ITPR3: variants seen among roughly 807,000 people sequenced by gnomAD.
The protein encoded by ITPR3 is inositol 1,4,5-trisphosphate-gated calcium channel ITPR3.
ITPR3 carries 173 observed loss-of-function variants against 293.2 expected under a neutral mutation model. The ratio of observed to expected loss-of-function variants is 0.59; its 90% CI spans 0.52 to 0.67. The LOEUF (loss-of-function observed/expected upper bound fraction) is 0.67. ITPR3 is among the 30% of genes least tolerant of loss of function. The probability of loss-of-function intolerance (pLI) is 0.00; values close to 1 mark genes in which losing one functional copy is unlikely to be tolerated. For synonymous variants in ITPR3, 1,295 were observed against 1,444.4 expected (o/e 0.90, Z 2.35); for missense variants, 2,796 against 3,592.1 (o/e 0.78, Z 5.66).
At chr6:33,690,292 T>A in intron 51 of ITPR3, 94 bp downstream of exon 51, 1 of 1,171,716 alleles carries the variant, frequency 8.5e-7, no homozygotes, top group Non-Finnish European at 1.2e-6. Context: ...CCAGTCTGTC[T>A]GTCCAGTCCT....
rs1454861889 is a variant in ITPR3, at chr6:33,632,074, C to T, written c.90-8410C>T. Among the ~76,000 whole-genome samples, 1 of 152,074 alleles carries T rather than the reference C, an allele frequency of 6.6e-6. No individual in the cohort carries two copies. Among genetic ancestry groups the T allele is most frequent in the African/African-American group, 2.4e-5 (1 of 41,392 alleles). Reference sequence around the variant, plus strand: ...AACAGTTTGTGCCTTCAGTCTCTTGCCTTGGCACCTGGGTAATCCTCCACC... The same window carrying T: ...AACAGTTTGTGCCTTCAGTCTCTTGTCTTGGCACCTGGGTAATCCTCCACC... On this transcript the variant is annotated intron_variant, in intron 1 of 57. Transcript: ENST00000605930. This position sits in a 1 kb window ranked among gnomAD's most constrained non-coding sequence, Gnocchi z 4.1.
At chr6:33,627,967 G>A (rs1410517705) in intron 1 of ITPR3, among the ~76,000 whole-genome samples, 1 of 152,240 alleles carries the variant, frequency 6.6e-6, no homozygotes, top group Non-Finnish European at 1.5e-5. Context: ...TGCTCGGCCT[G>A]AATCCTGCCG....
At chr6:33,627,419 A>G (rs2151275991) in intron 1 of ITPR3, among the ~76,000 whole-genome samples, 2 of 152,342 alleles carry the variant, frequency 1.3e-5, no homozygotes, top group Admixed American at 1.3e-4. Context: ...TTGCATATAT[A>G]TAGTGAGCTG....
At position 33,666,290 on chromosome 6, in the gene ITPR3, AAAAAATTTTTTT is replaced by A. The variant is rs769783037; in HGVS notation, c.1551+328_1551+339del. Among the ~76,000 whole-genome samples the A allele has an allele frequency of 6.0e-5, 8 of 132,722 alleles. No individual in the cohort carries two copies. Among genetic ancestry groups the A allele is most frequent in the African/African-American group, 2.5e-4 (6 of 24,074 alleles). 87.1% of individuals were successfully genotyped at this position (132,722 alleles called of 152,430 possible). Reference sequence around the variant, plus strand: ...GATGTTGGGTCCAGAGCTGTGCTTCAAAAAATTTTTTTAAAAATTTTTTTATTATGAGAATCA... The same window carrying A: ...GATGTTGGGTCCAGAGCTGTGCTTCAAAAAATTTTTTTATTATGAGAATCA... On this transcript the variant is annotated intron_variant, in intron 14 of 57. Coordinates refer to ENST00000605930, the MANE Select transcript of ITPR3 (RefSeq NM_002224.4). This position sits in a 1 kb window ranked among gnomAD's most constrained non-coding sequence, Gnocchi z 5.1.
chr6:33,682,480 G>A lies in ITPR3; in HGVS notation c.4477-44G>A, dbSNP rs200136560. The A allele has an allele frequency of 3.4e-6, 5 of 1,478,562 alleles. No homozygotes were observed. The highest frequency in any genetic ancestry group is 5.3e-5 in the East Asian group (2 of 37,584). The allele number at this position is 1,478,562 out of a possible 1,614,324, so 91.6% of individuals were successfully genotyped here. Reference sequence around the variant, plus strand: ...GTTCCTGGACCTGGGGTTGCCCAGGGTGGGGGCCTGGGCTGCAGCAGCGGG... The same window carrying A: ...GTTCCTGGACCTGGGGTTGCCCAGGATGGGGGCCTGGGCTGCAGCAGCGGG... On this transcript the variant is annotated intron_variant, in intron 33 of 57. Transcript: ENST00000605930. This position sits in a 1 kb window ranked among gnomAD's most constrained non-coding sequence, Gnocchi z 5.4.
rs1330277760 is a variant in ITPR3, at chr6:33,691,989, T to C, written c.7458+61T>C. On this transcript the variant is annotated intron_variant, in intron 54 of 57. Coordinates refer to ENST00000605930, the MANE Select transcript of ITPR3 (RefSeq NM_002224.4). This position sits in a 1 kb window ranked among gnomAD's most constrained non-coding sequence, Gnocchi z 4.9. ...CCAAGCCACTGTCCAGATCAGCAAC[T>C]GTGGAGAGTCCTGTCCTTGGCCTCG... The C allele has an allele frequency of 5.6e-6, 9 of 1,605,608 alleles. No homozygotes were observed. In the East Asian group the frequency reaches 6.7e-5, roughly 12 times the overall value.
chr6:33,683,386 G>T lies in ITPR3; in HGVS notation c.4777G>T (p.Glu1593Ter). 1 of 1,573,854 alleles carries T rather than the reference G, an allele frequency of 6.4e-7. No homozygotes were observed. The highest frequency in any genetic ancestry group is 1.2e-5 in the South Asian group (1 of 85,306). Reference sequence around the variant, plus strand: ...CCAGTGGGACTACAAGAACATCATTGAGAAGCTGCAGGTGGGTGTGGGGCT... The same window carrying T: ...CCAGTGGGACTACAAGAACATCATTTAGAAGCTGCAGGTGGGTGTGGGGCT... ...ANQWDYKNII[E>*]KLQDIITALE... is the part of the protein sequence containing the mutation. The change falls in exon 35 of 58, where the codon GAG (glutamate) becomes TAG (stop). Residue 1593 changes from glutamate to a stop codon, truncating the protein, a stop_gained. Coordinates refer to ENST00000605930, the MANE Select transcript of ITPR3 (RefSeq NM_002224.4). LOFTEE classifies it high-confidence loss of function. The surrounding 1 kb of genome is among the most constrained non-coding windows in gnomAD (Gnocchi z 4.5).
At chr6:33,676,012 C>T (rs1337871612) in intron 25 of ITPR3, among the ~76,000 whole-genome samples, 156 bp downstream of exon 25, 1 of 152,242 alleles carries the variant, frequency 6.6e-6, no homozygotes, top group Non-Finnish European at 1.5e-5. Flanking sequence ...AAGACTGAGT[C>T]TCCTGGCCTG....
chr6:33,686,026 T>C (rs375110794), intron 41 of ITPR3, 27 bp from the exon 42 acceptor site: 53 of 1,612,334 alleles, frequency 3.3e-5, no homozygotes, highest in Middle Eastern at 1.6e-4. Flanking sequence ...GTAGCTGTGC[T>C]GTGCCCAACC....
rs148906474 is a variant in ITPR3 at position 33,661,110 on chromosome 6, G to A, written c.712-1418G>A. Among the ~76,000 whole-genome samples the A allele has an allele frequency of 4.2e-3, 634 of 152,294 alleles. 5 individuals carry two copies. Among genetic ancestry groups the A allele is most frequent in the African/African-American group, 0.01 (433 of 41,544 alleles). On this transcript the variant is annotated intron_variant, in intron 7 of 57. Coordinates refer to ENST00000605930, the MANE Select transcript of ITPR3 (RefSeq NM_002224.4). ...CACTGCTTTTTTGCCCCTGCCCTGC[G>A]CTACTGGGGCACAGAAGTCACTAGG...
chr6:33,648,720 G>A (rs1764124974), intron 2 of ITPR3, among the ~76,000 whole-genome samples: 1 of 151,888 alleles, frequency 6.6e-6, no homozygotes, highest in South Asian at 2.1e-4. Flanking sequence ...AGCCTCCCAA[G>A]TAGCTGGATC....
In ITPR3 at chr6:33,670,605, G is replaced by A. The variant is rs1561869068; in HGVS notation, c.2441+29G>A. 6.2e-7 allele frequency: 1 copy of A among 1,612,220 alleles called. No homozygotes were observed. The highest frequency in any genetic ancestry group is 2.2e-5 in the East Asian group (1 of 44,856). ...AGAGGGGTGGAGGCAGGGTGGGCGG[G>A]GCAGGGGCAGAGGCTGGAGTGGGTG... On this transcript the variant is annotated intron_variant, in intron 19 of 57. Transcript: ENST00000605930. This position sits in a 1 kb window ranked among gnomAD's most constrained non-coding sequence, Gnocchi z 6.7.
In ITPR3 at chr6:33,679,976, T is replaced by C; in HGVS notation, c.4067T>C (p.Val1356Ala). 1 of 1,613,790 alleles carries C rather than the reference T, an allele frequency of 6.2e-7. No homozygotes were observed. The highest frequency in any genetic ancestry group is 8.5e-7 in the Non-Finnish European group (1 of 1,180,014). The change falls in exon 31 of 58, where the codon GTG becomes GCG. Residue 1356 changes from valine to alanine, a missense_variant. Transcript: ENST00000605930. This position sits in a 1 kb window ranked among gnomAD's most constrained non-coding sequence, Gnocchi z 4.2. ...LDMMKAARDG[V>A]EDHSPLMYHI... is the part of the protein sequence containing the mutation. ...ATGATGAAGGCCGCCCGCGACGGCG[T>C]GGAGGACCACAGCCCCCTCATGTAC...
Position 33,684,541 on chromosome 6 carries a change from C to A in ITPR3, c.5047-57C>A. On this transcript the variant is annotated intron_variant, in intron 37 of 57. Coordinates refer to ENST00000605930, the MANE Select transcript of ITPR3 (RefSeq NM_002224.4). This position sits in a 1 kb window ranked among gnomAD's most constrained non-coding sequence, Gnocchi z 4.2. ...GGGGCTCAGGGTCAAGCCCGTCAGGCCAGTGGTCAGTGGTGGGCTGTACCC... is the reference window on the plus strand; with the variant it reads ...GGGGCTCAGGGTCAAGCCCGTCAGGACAGTGGTCAGTGGTGGGCTGTACCC... 1 of 1,605,132 alleles carries A rather than the reference C, an allele frequency of 6.2e-7. No individual in the cohort carries two copies. Among genetic ancestry groups the A allele is most frequent in the South Asian group, 1.1e-5 (1 of 90,910 alleles).
chr6:33,680,194 C>A, intron 31 of ITPR3, 61 bp downstream of exon 31: 2 of 1,591,250 alleles, frequency 1.3e-6, no homozygotes, highest in Non-Finnish European at 1.7e-6. Context: ...GGTAAAGCCA[C>A]GGGACAGGAA....
At position 33,625,027 on chromosome 6, in the gene ITPR3, G is replaced by A. The variant is rs557462496; in HGVS notation, c.89+3336G>A. ...GGCCAGCAAGGGAAAGCAGGCCCAC[G>A]CCTGTTCTTGGCAGGAGAGCAAGGC... On this transcript the variant is annotated intron_variant, in intron 1 of 57. Coordinates refer to ENST00000605930, the MANE Select transcript of ITPR3 (RefSeq NM_002224.4). Among the ~76,000 whole-genome samples, 7 of 152,344 alleles carry A rather than the reference G, an allele frequency of 4.6e-5. No individual in the cohort carries two copies. The East Asian group carries it at 5.8e-4, about 13-fold the overall frequency.
At chr6:33,659,195 G>A in intron 6 of ITPR3, 76 bp downstream of exon 6, 1 of 1,368,062 alleles carries the variant, frequency 7.3e-7, no homozygotes, top group Non-Finnish European at 1.0e-6. Flanking sequence ...CCCGCTCCCT[G>A]CCATGGTCTC....
intron 2 of ITPR3, among the ~76,000 whole-genome samples, chr6:33,644,276 A>G (rs1398441012): frequency 6.7e-6 from 1 of 149,892 alleles, no homozygotes; most frequent in African/African-American, 2.4e-5. Flanking sequence ...CGTTTATTTC[A>G]GATCTTTTTA....
chr6:33,683,757 G>A lies in ITPR3; in HGVS notation c.4789-263G>A, dbSNP rs1000253697. Among the ~76,000 whole-genome samples the A allele has an allele frequency of 3.9e-5, 6 of 152,192 alleles. No individual in the cohort carries two copies. The highest frequency in any genetic ancestry group is 1.2e-4 in the African/African-American group (5 of 41,444). ...GGGTGTGGTGGATTATTTTCCCCAC[G>A]TGGCAGGAGACTGAGGCTCAGAGAG... is the stretch of plus-strand genomic sequence containing the variant. On this transcript the variant is annotated intron_variant, in intron 35 of 57. Transcript: ENST00000605930. The surrounding 1 kb of genome is among the most constrained non-coding windows in gnomAD (Gnocchi z 4.5).
Sources: gnomAD v4.1 joint callset for allele counts (sites outside exome capture counted in the v4.1 genomes callset) on GRCh38, gnomAD v4.1.1 for gene constraint, Gnocchi (gnomAD v3.1) non-coding constraint, MANE v1.5 for transcripts, NCBI Gene and HGNC (gene_info 2026-07-23, HGNC 2026-07-21) for gene names.